Variants in RNF41 observed in about 807,000 individuals in gnomAD.
RNF41 encodes E3 ubiquitin-protein ligase NRDP1.
A neutral mutation model predicts 33.0 loss-of-function variants in RNF41; 4 were observed. That is an observed-to-expected ratio of 0.12 (90% CI 0.06 to 0.28). The LOEUF is 0.28. RNF41 is among the 10% of genes least tolerant of loss of function. RNF41 has a pLI of 1.00. For missense variants in RNF41, 228 were observed against 432.6 expected (o/e 0.53, Z 4.19); for synonymous variants, 164 against 153.2 (o/e 1.07, Z -0.52).
At position 56,202,788 on chromosome 12, in the gene RNF41, T is replaced by G. The variant is rs1418055240; in HGVS notation, c.*3659A>C. Reference sequence around the variant, plus strand: ...GCTACATAAGCCTCCTCATGTTCACTCTAGTGAGTATCTCACAGGGCAGAC... The same window carrying G: ...GCTACATAAGCCTCCTCATGTTCACGCTAGTGAGTATCTCACAGGGCAGAC... On this transcript the variant is annotated 3_prime_UTR_variant, in exon 7 of 7. Coordinates refer to ENST00000345093, the MANE Select transcript of RNF41 (RefSeq NM_005785.4). 6.6e-6 allele frequency: 1 copy of G among 152,228 alleles called. No homozygotes were observed. Among genetic ancestry groups the G allele is most frequent in the African/African-American group, 2.4e-5 (1 of 41,456 alleles). 9.4% of individuals were successfully genotyped at this position (152,228 alleles called of 1,614,324 possible).
Position 56,208,235 on chromosome 12 carries a change from T to C in RNF41, c.426A>G (p.Val142=). 1 of 1,614,226 alleles carries C rather than the reference T, an allele frequency of 6.2e-7. No homozygotes were observed. The highest frequency in any genetic ancestry group is 8.5e-7 in the Non-Finnish European group (1 of 1,180,014). ...HNCIKHLRSV[V]QQQQTRIAEL... is the part of the protein sequence containing the mutation. ...CTGCGATGCGTGTCTGCTGCTGCTGTACCACTGAGCGCAGGTGCTTAATGC... is the reference window on the plus strand; with the variant it reads ...CTGCGATGCGTGTCTGCTGCTGCTGCACCACTGAGCGCAGGTGCTTAATGC... The change falls in exon 5 of 7, where the codon GTA becomes GTG. Residue 142 remains valine, a synonymous_variant. Coordinates refer to ENST00000345093, the MANE Select transcript of RNF41 (RefSeq NM_005785.4).
rs150070833 is a variant in RNF41, at chr12:56,208,169, C to T, written c.492G>A (p.Ala164=). 2.4e-5 allele frequency: 39 copies of T among 1,614,084 alleles called. No homozygotes were observed. The highest frequency in any genetic ancestry group is 9.9e-5 in the South Asian group (9 of 91,088). The change falls in exon 5 of 7, where the codon GCG becomes GCA. Residue 164 remains alanine, a synonymous_variant. Transcript: ENST00000345093. ...KTSAEHKHQL[A]EQKRDIQLLK... ...CCCGTGTCTTGGGGCCTACCTGCTC[C>T]GCCAGCTGGTGTTTGTGTTCAGCTG...
At chr12:56,220,838 C>T (rs1869346441) in intron 1 of RNF41, among the ~76,000 whole-genome samples, 1 of 152,102 alleles carries the variant, frequency 6.6e-6, no homozygotes, top group South Asian at 2.1e-4. Flanking sequence ...GCAGGGCTAG[C>T]CACAGGTCGG....
At chr12:56,208,123 CAT>C in intron 5 of RNF41, 38 bp downstream of exon 5, 1 of 1,613,328 alleles carries the variant, frequency 6.2e-7, no homozygotes, top group Non-Finnish European at 8.5e-7. Flanking sequence ...CAGTTATCTG[CAT>C]ATGAGGGATA....
rs948702775 is a variant in RNF41 at position 56,210,695 on chromosome 12, C to T, written c.91-127G>A. The T allele has an allele frequency of 3.1e-5, 27 of 867,664 alleles. No individual in the cohort carries two copies. The African/African-American group carries it at 4.5e-4, about 15-fold the overall frequency. The allele number at this position is 867,664 out of a possible 1,614,324, so 53.7% of individuals were successfully genotyped here. Reference sequence around the variant, plus strand: ...CTCTACGACAAGAGGTCCACTGGGTCACAGCAAAGTATAGATCTACTACGG... The same window carrying T: ...CTCTACGACAAGAGGTCCACTGGGTTACAGCAAAGTATAGATCTACTACGG... On this transcript the variant is annotated intron_variant, in intron 3 of 6. Transcript: ENST00000345093.
rs1868250962 is a variant in RNF41 at position 56,205,477 on chromosome 12, T to A, written c.*970A>T. 2 of 75,464 alleles carry A rather than the reference T, an allele frequency of 2.7e-5. No homozygotes were observed. Among genetic ancestry groups the A allele is most frequent in the South Asian group, 1.2e-3 (2 of 1,736 alleles). 4.7% of individuals were successfully genotyped at this position (75,464 alleles called of 1,614,324 possible). On this transcript the variant is annotated 3_prime_UTR_variant, in exon 7 of 7. Coordinates refer to ENST00000345093, the MANE Select transcript of RNF41 (RefSeq NM_005785.4). ...TCAAGTTTGATTTTTTTTTCTTTTT[T>A]CCTTTCTTAAAAAAAAAAAAAGGAA...
At chr12:56,219,253 G>A (rs1442301697) in intron 1 of RNF41, among the ~76,000 whole-genome samples, 1 of 149,520 alleles carries the variant, frequency 6.7e-6, no homozygotes, top group African/African-American at 2.5e-5. Context: ...GTGCAGTGAT[G>A]CGATCTCGGC....
chr12:56,206,477 C>G lies in RNF41; in HGVS notation c.924G>C (p.Met308Ile). Residue 308 changes from methionine (M) to isoleucine (I), a missense_variant, in exon 7 of 7, where the codon ATG becomes ATC. Physicochemically the swap from Met to Ile is conservative, Grantham distance 10. This residue lies in a region of RNF41 where 199 missense variants were observed against 334.6 expected (regional missense o/e 0.59). Coordinates refer to ENST00000345093, the MANE Select transcript of RNF41 (RefSeq NM_005785.4). This position sits in a 1 kb window ranked among gnomAD's most constrained non-coding sequence, Gnocchi z 5.7. ...TCTCTTCCACGCCATGCGCAAATAT[C>G]ATGACAAGGCCTGGCTCTTGCACCA... ...DDMVQEPGLV[M>I]IFAHGVEEI The G allele has an allele frequency of 6.2e-7, 1 of 1,613,572 alleles. No homozygotes were observed. The highest frequency in any genetic ancestry group is 1.1e-5 in the South Asian group (1 of 91,032).
chr12:56,214,468 C>T (rs1390660203), intron 2 of RNF41, among the ~76,000 whole-genome samples: 1 of 150,490 alleles, frequency 6.6e-6, no homozygotes, highest in African/African-American at 2.5e-5. Flanking sequence ...TGCAGTGAGC[C>T]GAGATCGCGC....
In RNF41 at chr12:56,204,328, G is replaced by C. The variant is rs1878739395; in HGVS notation, c.*2119C>G. Reference sequence around the variant, plus strand: ...GGAGATAGGAGGGAAGAATGCAGGAGGGTACATGGGAAAGCAGCTGTGAAG... The same window carrying C: ...GGAGATAGGAGGGAAGAATGCAGGACGGTACATGGGAAAGCAGCTGTGAAG... On this transcript the variant is annotated 3_prime_UTR_variant, in exon 7 of 7. Coordinates refer to ENST00000345093, the MANE Select transcript of RNF41 (RefSeq NM_005785.4). 1.3e-5 allele frequency: 2 copies of C among 152,198 alleles called. No individual in the cohort carries two copies. The highest frequency in any genetic ancestry group is 2.9e-5 in the Non-Finnish European group (2 of 68,074). 9.4% of individuals were successfully genotyped at this position (152,198 alleles called of 1,614,324 possible).
At chr12:56,211,678 T>C (rs1200045370) in intron 3 of RNF41, among the ~76,000 whole-genome samples, 1 of 151,942 alleles carries the variant, frequency 6.6e-6, no homozygotes, top group Non-Finnish European at 1.5e-5. Flanking sequence ...AAAAATTCAA[T>C]GTAAGAAAGC....
chr12:56,217,266 C>A (rs189545154), intron 1 of RNF41, among the ~76,000 whole-genome samples: 412 of 151,110 alleles, frequency 2.7e-3, no homozygotes, highest in Non-Finnish European at 3.8e-3. Flanking sequence ...ATGCATAGAT[C>A]CAGGTTGCGA....
In RNF41 at chr12:56,203,690, G is replaced by GGC. The variant is rs1309253812; in HGVS notation, c.*2755_*2756dup. ...ATTACAGACGTGAGCCACCGTGCCC[G>GGC]GCCTATGAAGACTTTTTTTTTTTTT... On this transcript the variant is annotated 3_prime_UTR_variant, in exon 7 of 7. Coordinates refer to ENST00000345093, the MANE Select transcript of RNF41 (RefSeq NM_005785.4). 1 of 138,546 alleles carries GGC rather than the reference G, an allele frequency of 7.2e-6. No homozygotes were observed. The highest frequency in any genetic ancestry group is 2.1e-4 in the East Asian group (1 of 4,670). The allele number at this position is 138,546 out of a possible 1,614,324, so 8.6% of individuals were successfully genotyped here.
rs368193279 is a variant in RNF41, at chr12:56,206,539, C to T, written c.862G>A (p.Val288Met). Residue 288 changes from valine to methionine, a missense_variant, in exon 7 of 7, where the codon GTG (valine) becomes ATG (methionine). Val to Met is a conservative substitution (Grantham distance 21). Coordinates refer to ENST00000345093, the MANE Select transcript of RNF41 (RefSeq NM_005785.4). The surrounding 1 kb of genome is among the most constrained non-coding windows in gnomAD (Gnocchi z 5.7). ...KRIPGKQAVV[V>M]MACENQHMGD... ...ATGTGCTGGTTCTCACAGGCCATCA[C>T]GACAACAGCCTGCTTGCCAGGGATG... is the stretch of plus-strand genomic sequence containing the variant. 7 of 1,614,114 alleles carry T rather than the reference C, an allele frequency of 4.3e-6. No individual in the cohort carries two copies. Among genetic ancestry groups the T allele is most frequent in the African/African-American group, 2.7e-5 (2 of 74,940 alleles).
At chr12:56,208,001 G>A (rs1250122299) in intron 5 of RNF41, 162 bp downstream of exon 5, 2 of 852,994 alleles carry the variant, frequency 2.3e-6, no homozygotes, top group Non-Finnish European at 3.7e-6. Context: ...GTCAAGGAGA[G>A]CTCCAATCTG....
At chr12:56,219,994 G>A (rs553327275) in intron 1 of RNF41, among the ~76,000 whole-genome samples, 1 of 150,104 alleles carries the variant, frequency 6.7e-6, no homozygotes, top group South Asian at 2.1e-4. Flanking sequence ...TCCGGCCTGG[G>A]TGACAGAGTG....
intron 2 of RNF41, among the ~76,000 whole-genome samples, chr12:56,214,521 A>T (rs1244428256): frequency 9.4e-5 from 1 of 10,584 alleles, no homozygotes; most frequent in African/African-American, 9.6e-5. Context: ...CTCAGTCTCT[A>T]AAAAAAAAAA....
intron 1 of RNF41, among the ~76,000 whole-genome samples, chr12:56,218,919 G>C: frequency 6.7e-6 from 1 of 150,180 alleles, no homozygotes; most frequent in Non-Finnish European, 1.5e-5. Context: ...GGCCAGGATG[G>C]TCTCAATCTC....
At position 56,210,586 on chromosome 12, in the gene RNF41, G is replaced by T. The variant is rs764763569; in HGVS notation, c.91-18C>A. ...TGAGGTGCCTAGAAGAGAGAACAAGGCAAAAGGGGCGCAAGGGAATTAGCA... is the reference window on the plus strand; with the variant it reads ...TGAGGTGCCTAGAAGAGAGAACAAGTCAAAAGGGGCGCAAGGGAATTAGCA... On this transcript the variant is annotated intron_variant, in intron 3 of 6. Coordinates refer to ENST00000345093, the MANE Select transcript of RNF41 (RefSeq NM_005785.4). 1 of 1,606,732 alleles carries T rather than the reference G, an allele frequency of 6.2e-7. No individual in the cohort carries two copies. The highest frequency in any genetic ancestry group is 1.1e-5 in the South Asian group (1 of 90,998).
Sources: allele counts gnomAD v4.1 joint callset (sites outside exome capture counted in the v4.1 genomes callset), GRCh38; gene constraint gnomAD v4.1.1; regional missense constraint gnomAD v4.1.1; non-coding constraint Gnocchi (gnomAD v3.1); transcripts MANE v1.5; gene names NCBI Gene and HGNC (gene_info 2026-07-23, HGNC 2026-07-21).